The following MOB2 variants were observed in gnomAD, a reference collection of about 807,000 sequenced individuals.
The protein encoded by MOB2 is MOB kinase activator 2.
MOB2 carries 14 observed loss-of-function variants against 27.4 expected under a neutral mutation model. That is an observed-to-expected ratio of 0.51 (90% CI 0.34 to 0.80). MOB2 has a LOEUF of 0.80. Ranked by LOEUF, MOB2 falls within the 30% of genes least tolerant of loss-of-function variation. The probability of loss-of-function intolerance (pLI) is 0.01; values close to 1 mark genes in which losing one functional copy is unlikely to be tolerated. For missense variants in MOB2, 304 were observed against 354.6 expected (o/e 0.86, Z 1.15); for synonymous variants, 167 against 151.8 (o/e 1.10, Z -0.74).
At chr11:1,474,234 T>C (rs2133360162) in intron 3 of MOB2, among the ~76,000 whole-genome samples, 1 of 152,364 alleles carries the variant, frequency 6.6e-6, no homozygotes, top group Non-Finnish European at 1.5e-5. Context: ...GTCTGCTCAT[T>C]TCTTTTGCTG....
intron 3 of MOB2, among the ~76,000 whole-genome samples, chr11:1,475,486 G>C (rs1847842564): frequency 6.6e-6 from 1 of 152,198 alleles, no homozygotes; most frequent in African/African-American, 2.4e-5. Context: ...TTGATTGACT[G>C]AGATAGGGTC....
intron 1 of MOB2, 113 bp from the exon 2 acceptor site, chr11:1,480,998 G>C: frequency 7.7e-7 from 1 of 1,300,080 alleles, no homozygotes; most frequent in East Asian, 2.5e-5. Context: ...GAGCCCATCG[G>C]GGCGACACTG....
At chr11:1,481,326 G>C (rs1013903540) in intron 1 of MOB2, 1 of 259,618 alleles carries the variant, frequency 3.9e-6, no homozygotes, top group Non-Finnish European at 7.9e-6. Context: ...TGGTGGCCCC[G>C]GTGAAAACAT....
intron 3 of MOB2, among the ~76,000 whole-genome samples, chr11:1,474,297 A>G (rs1847829901): frequency 6.6e-6 from 1 of 152,106 alleles, no homozygotes; most frequent in Non-Finnish European, 1.5e-5. Flanking sequence ...TATGTTCTTT[A>G]TGTATTCTGG....
chr11:1,479,195 GC>G (rs1301848884), intron 3 of MOB2, among the ~76,000 whole-genome samples: 1 of 152,158 alleles, frequency 6.6e-6, no homozygotes, highest in African/African-American at 2.4e-5. Context: ...AGGGTGCCAG[GC>G]CCCGTCTGCC....
intron 3 of MOB2, chr11:1,472,869 C>CAT (rs1847810566): frequency 1.3e-5 from 2 of 154,656 alleles, no homozygotes; most frequent in African/African-American, 5.5e-5. Context: ...GGGCCTCCAG[C>CAT]ATCTCTGGGC....
chr11:1,484,332 G>T (rs750318457), intron 1 of MOB2, among the ~76,000 whole-genome samples: 2 of 152,214 alleles, frequency 1.3e-5, no homozygotes, highest in Non-Finnish European at 2.9e-5. Flanking sequence ...ACCAGGCAGC[G>T]TGTGGGGTGC....
At chr11:1,474,613 G>A (rs566608925) in intron 3 of MOB2, among the ~76,000 whole-genome samples, 6 of 152,262 alleles carry the variant, frequency 3.9e-5, no homozygotes, top group African/African-American at 7.2e-5. Context: ...TGATGGCCCC[G>A]TTTGTGTGGG....
intron 1 of MOB2, among the ~76,000 whole-genome samples, chr11:1,482,787 C>T (rs1352828824): frequency 1.3e-5 from 2 of 152,214 alleles, no homozygotes; most frequent in African/African-American, 2.4e-5. Flanking sequence ...ACCAAGGGGA[C>T]GCGCAGGACA....
chr11:1,469,451 A>C, downstream of MOB2: 1 of 405,760 alleles, frequency 2.5e-6, no homozygotes, highest in South Asian at 1.8e-5. Context: ...AGACGTACAC[A>C]GGCTCTGACC....
chr11:1,471,159 AGGGACTG>A, intron 4 of MOB2, 129 bp downstream of exon 4: 1 of 1,238,808 alleles, frequency 8.1e-7, no homozygotes, highest in Non-Finnish European at 1.1e-6. Context: ...CATGCTAAGC[AGGGACTG>A]GGGTGGTGCA....
chr11:1,475,552 C>G (rs1847844195), intron 3 of MOB2, among the ~76,000 whole-genome samples: 1 of 152,244 alleles, frequency 6.6e-6, no homozygotes, highest in African/African-American at 2.4e-5. Flanking sequence ...GCCTCAGCCT[C>G]CTGAGTAGCC....
chr11:1,474,066 C>G (rs555583452), intron 3 of MOB2, among the ~76,000 whole-genome samples: 2 of 152,248 alleles, frequency 1.3e-5, no homozygotes, highest in Non-Finnish European at 2.9e-5. Context: ...GCCAGCAGAA[C>G]AGAGTCCCAG....
At chr11:1,475,372 C>T (rs1350147593) in intron 3 of MOB2, among the ~76,000 whole-genome samples, 1 of 152,194 alleles carries the variant, frequency 6.6e-6, no homozygotes, top group African/African-American at 2.4e-5. Flanking sequence ...GGATGCACTG[C>T]AAGACCCCCA....
At chr11:1,471,584 G>A in intron 3 of MOB2, 165 bp from the exon 4 acceptor site, 1 of 758,254 alleles carries the variant, frequency 1.3e-6, no homozygotes, top group Admixed American at 2.8e-5. Context: ...CCCACACACT[G>A]TCTGCGGGGA....
chr11:1,479,548 C>G (rs1847886899), intron 3 of MOB2, among the ~76,000 whole-genome samples: 1 of 152,244 alleles, frequency 6.6e-6, no homozygotes, highest in South Asian at 2.1e-4. Context: ...AGGACTGAAG[C>G]CAAGGGGACG....
intron 1 of MOB2, chr11:1,481,198 G>A (rs1192408607): frequency 6.3e-6 from 3 of 475,130 alleles, no homozygotes; most frequent in East Asian, 4.7e-5. Context: ...GGGGCCCAGG[G>A]TTTAGGGCCC....
intron 1 of MOB2, among the ~76,000 whole-genome samples, chr11:1,483,094 C>T (rs928836519): frequency 4.6e-5 from 7 of 152,350 alleles, no homozygotes; most frequent in African/African-American, 9.6e-5. Context: ...ACCTCTGCGG[C>T]GCCCCCCGCA....
At chr11:1,475,740 A>G (rs2334654) in intron 3 of MOB2, among the ~76,000 whole-genome samples, 46,007 of 152,166 alleles carry the variant, frequency 0.3, 7,717 homozygotes, top group East Asian at 0.63. Context: ...CAAGTACTCA[A>G]CACGCACTGT....
Sources: allele counts gnomAD v4.1 joint callset (sites outside exome capture counted in the v4.1 genomes callset), GRCh38; gene constraint gnomAD v4.1.1; transcripts MANE v1.5; gene names NCBI Gene and HGNC (gene_info 2026-07-23, HGNC 2026-07-21).